The following PRKCA variants were observed in gnomAD, a reference collection of about 807,000 sequenced individuals.
PRKCA encodes the protein protein kinase C alpha.
A neutral mutation model predicts 87.0 loss-of-function variants in PRKCA; 27 were observed. The ratio of observed to expected loss-of-function variants is 0.31; its 90% CI spans 0.23 to 0.43. The LOEUF (loss-of-function observed/expected upper bound fraction) is 0.43, where lower values mean the gene tolerates loss of function less well. Among genes scored for constraint, PRKCA ranks in the 20% least tolerant of loss-of-function variants. The pLI, the probability that PRKCA is intolerant of heterozygous loss-of-function variation, is 1.00. For synonymous variants in PRKCA, 329 were observed against 311.1 expected, an observed-to-expected ratio of 1.06 and a Z score of -0.61; for missense variants, 518 against 852.3, an observed-to-expected ratio of 0.61 and a Z score of 4.88.
intron 3 of PRKCA, among the ~76,000 whole-genome samples, chr17:66,552,185 T>C (rs955506655): frequency 2.0e-5 from 3 of 151,868 alleles, no homozygotes; most frequent in African/African-American, 7.3e-5. Context: ...ATACTCCCAA[T>C]GAGTCGGGAG....
chr17:66,506,684 A>G (rs1030285967), intron 3 of PRKCA, among the ~76,000 whole-genome samples: 2 of 152,044 alleles, frequency 1.3e-5, no homozygotes, highest in African/African-American at 4.8e-5. Flanking sequence ...GGTGTGGGGG[A>G]ACACACCTGA....
At chr17:66,621,090 T>C (rs1970667605) in intron 3 of PRKCA, among the ~76,000 whole-genome samples, 1 of 152,230 alleles carries the variant, frequency 6.6e-6, no homozygotes, top group African/African-American at 2.4e-5. Context: ...CTCAAAGTTC[T>C]GTAGAGAAGA....
intron 8 of PRKCA, among the ~76,000 whole-genome samples, chr17:66,702,842 A>G (rs1973096863): frequency 1.3e-5 from 2 of 152,228 alleles, no homozygotes; most frequent in African/African-American, 2.4e-5. Context: ...GGTGTAACCT[A>G]TTGCTTCTAT....
At chr17:66,447,353 A>G (rs554750915) in intron 2 of PRKCA, among the ~76,000 whole-genome samples, 16 of 152,274 alleles carry the variant, frequency 1.1e-4, no homozygotes, top group African/African-American at 3.8e-4. Context: ...CGGGGATGCC[A>G]GGCGAGTTCT....
intron 2 of PRKCA, among the ~76,000 whole-genome samples, chr17:66,391,874 A>G (rs1198920268): frequency 3.9e-5 from 6 of 152,070 alleles, no homozygotes; most frequent in African/African-American, 1.4e-4. Flanking sequence ...GCGCTAGATC[A>G]TCGGAAAGTA....
chr17:66,656,961 A>G (rs1971751032), intron 5 of PRKCA, among the ~76,000 whole-genome samples: 1 of 152,244 alleles, frequency 6.6e-6, no homozygotes, highest in African/African-American at 2.4e-5. Flanking sequence ...TGTGTTGTAA[A>G]GGAATCTCCC....
intron 2 of PRKCA, among the ~76,000 whole-genome samples, chr17:66,419,958 A>G (rs1052615370): frequency 1.3e-5 from 2 of 150,872 alleles, no homozygotes; most frequent in Admixed American, 6.6e-5. Context: ...GTCCTCAGTC[A>G]GTGTTTGTTG....
At chr17:66,452,769 C>T (rs1914387157) in intron 2 of PRKCA, among the ~76,000 whole-genome samples, 1 of 152,154 alleles carries the variant, frequency 6.6e-6, no homozygotes, top group African/African-American at 2.4e-5. Context: ...GAGGCTGAGG[C>T]AGGAGAATGG....
chr17:66,475,178 CAG>C (rs1915486877), intron 2 of PRKCA, among the ~76,000 whole-genome samples: 2 of 152,028 alleles, frequency 1.3e-5, no homozygotes, highest in Admixed American at 6.6e-5. Flanking sequence ...AAACTTATGC[CAG>C]AGAGAGGCTG....
intron 2 of PRKCA, among the ~76,000 whole-genome samples, chr17:66,455,934 A>G (rs1914557139): frequency 6.6e-6 from 1 of 152,136 alleles, no homozygotes; most frequent in South Asian, 2.1e-4. Flanking sequence ...TTATTTGCAA[A>G]TAGGGTCTCT....
intron 5 of PRKCA, among the ~76,000 whole-genome samples, chr17:66,654,280 C>T (rs1345175746): frequency 2.0e-5 from 3 of 152,168 alleles, no homozygotes; most frequent in African/African-American, 7.2e-5. Flanking sequence ...CAGAGAAGCT[C>T]CGGGTGTTTC....
chr17:66,582,138 T>C (rs1328294015), intron 3 of PRKCA, among the ~76,000 whole-genome samples: 1 of 152,218 alleles, frequency 6.6e-6, no homozygotes, highest in Non-Finnish European at 1.5e-5. Context: ...GTATACACTA[T>C]GGCCAGCATT....
intron 3 of PRKCA, among the ~76,000 whole-genome samples, chr17:66,627,867 AG>A (rs1257896798): frequency 6.6e-6 from 1 of 152,210 alleles, no homozygotes; most frequent in Admixed American, 6.5e-5. Flanking sequence ...AAAGGAATGA[AG>A]GGGTATCAAT....
At chr17:66,702,294 C>A (rs1973083962) in intron 8 of PRKCA, among the ~76,000 whole-genome samples, 1 of 152,004 alleles carries the variant, frequency 6.6e-6, no homozygotes, top group Non-Finnish European at 1.5e-5. Flanking sequence ...AGGACATTAT[C>A]ATATTATCAT....
At chr17:66,382,245 A>G (rs762933458) in intron 2 of PRKCA, among the ~76,000 whole-genome samples, 15 of 152,174 alleles carry the variant, frequency 9.9e-5, no homozygotes, top group Non-Finnish European at 1.9e-4. Flanking sequence ...GGGGCAATGC[A>G]CTGAAGAGAA....
At chr17:66,577,195 G>A (rs1969266157) in intron 3 of PRKCA, among the ~76,000 whole-genome samples, 1 of 152,110 alleles carries the variant, frequency 6.6e-6, no homozygotes, top group Admixed American at 6.6e-5. Flanking sequence ...AATCACAGCG[G>A]TATTTGGTCA....
chr17:66,487,800 C>G (rs1035344096), intron 2 of PRKCA, among the ~76,000 whole-genome samples: 1 of 152,104 alleles, frequency 6.6e-6, no homozygotes, highest in Non-Finnish European at 1.5e-5. Context: ...ACCTGTTGGC[C>G]ATTTGTTTGT....
At chr17:66,364,241 A>G (rs1327170384) in intron 2 of PRKCA, 1 of 151,852 alleles carries the variant, frequency 6.6e-6, no homozygotes, top group Non-Finnish European at 1.5e-5. Flanking sequence ...GCAGATCAAG[A>G]CTCCCATGCT....
chr17:66,804,918 C>G lies in PRKCA; in HGVS notation c.*881C>G, dbSNP rs998939624. ...AGTGTTGTTCACCAACACCCACCCC[C>G]ACACACACCAACATTTTGCTGCCTA... On this transcript the variant is annotated 3_prime_UTR_variant, in exon 17 of 17. Transcript: ENST00000413366. 2.3e-6 allele frequency: 2 copies of G among 868,706 alleles called. No individual in the cohort carries two copies. Among genetic ancestry groups the G allele is most frequent in the Non-Finnish European group, 2.7e-6 (2 of 738,600 alleles). 53.8% of individuals were successfully genotyped at this position (868,706 alleles called of 1,614,324 possible).
Sources: gnomAD v4.1 joint callset for allele counts (sites outside exome capture counted in the v4.1 genomes callset) on GRCh38, gnomAD v4.1.1 for gene constraint, MANE v1.5 for transcripts, NCBI Gene and HGNC (gene_info 2026-07-23, HGNC 2026-07-21) for gene names.